MYO16: variants seen among roughly 807,000 people sequenced by gnomAD.
MYO16 encodes the protein myosin XVI.
Under a neutral mutation model 205.3 loss-of-function variants are expected in MYO16, and 94 were observed. The observed-to-expected ratio is 0.46, with a 90% confidence interval of 0.39 to 0.54. The LOEUF is 0.54. Among genes scored for constraint, MYO16 ranks in the 20% least tolerant of loss-of-function variants. The pLI, the probability that MYO16 is intolerant of heterozygous loss-of-function variation, is 0.00. For missense variants in MYO16, 2,315 were observed against 2,387.5 expected (o/e 0.97, Z 0.63); for synonymous variants, 988 against 954.0 (o/e 1.04, Z -0.66).
chr13:108,806,719 C>T lies in MYO16; in HGVS notation c.782C>T (p.Ser261Phe), dbSNP rs896258459. The change falls in exon 7 of 35, where the codon TCT becomes TTT. Residue 261 changes from serine to phenylalanine, a missense_variant. Coordinates refer to ENST00000457511, the MANE Select transcript of MYO16 (RefSeq NM_001198950.3). ...ACASGYKEVV[S>F]LILEHGGDLN... ...GCGAGTGGCTACAAGGAGGTGGTGT[C>T]TCTTATCCTGGAACATGGTGGAGAC... 6.2e-7 allele frequency: 1 copy of T among 1,613,186 alleles called. No homozygotes were observed. The highest frequency in any genetic ancestry group is 1.3e-5 in the African/African-American group (1 of 74,888).
intron 11 of MYO16, among the ~76,000 whole-genome samples, chr13:108,857,605 C>G (rs1296423586): frequency 1.3e-5 from 2 of 152,204 alleles, no homozygotes; most frequent in Admixed American, 6.5e-5. Context: ...TTATGCACTT[C>G]TCCTTTAATC....
At chr13:109,025,269 G>A (rs761208346) in intron 23 of MYO16, among the ~76,000 whole-genome samples, 5 of 152,158 alleles carry the variant, frequency 3.3e-5, no homozygotes, top group Non-Finnish European at 4.4e-5. Context: ...TATCCTGAAA[G>A]CTCTGACCAG....
intron 28 of MYO16, among the ~76,000 whole-genome samples, chr13:109,104,387 G>A (rs1261471705): frequency 2.6e-5 from 4 of 152,112 alleles, no homozygotes; most frequent in Middle Eastern, 3.2e-3. Context: ...GGAAAAACAA[G>A]CAGACTACTT....
intron 22 of MYO16, among the ~76,000 whole-genome samples, chr13:109,014,650 T>C (rs1885740444): frequency 6.6e-6 from 1 of 152,224 alleles, no homozygotes; most frequent in South Asian, 2.1e-4. Flanking sequence ...CATTGAGCAG[T>C]GGTTTGTAGT....
chr13:108,940,437 T>C (rs1256786927), intron 16 of MYO16, among the ~76,000 whole-genome samples: 1 of 152,206 alleles, frequency 6.6e-6, no homozygotes, highest in Non-Finnish European at 1.5e-5. Flanking sequence ...ACTCTCTATG[T>C]GCATTCCAAT....
chr13:108,575,854 G>T, the MYO16 span, among the ~76,000 whole-genome samples: 7 of 152,104 alleles, frequency 4.6e-5, no homozygotes, highest in Non-Finnish European at 7.3e-5. Context: ...TGCAGGTGTT[G>T]CAGAAAGATT....
At chr13:109,011,546 G>A (rs1464888376) in intron 22 of MYO16, among the ~76,000 whole-genome samples, 2 of 132,876 alleles carry the variant, frequency 1.5e-5, no homozygotes, top group Non-Finnish European at 3.1e-5. Context: ...ACAGAGTCTC[G>A]CTCTGTCACC....
chr13:108,845,891 A>G (rs974657067), intron 10 of MYO16, among the ~76,000 whole-genome samples: 1 of 150,454 alleles, frequency 6.6e-6, no homozygotes, highest in African/African-American at 2.4e-5. Flanking sequence ...TTTTTTTTTT[A>G]AGAGATAGGG....
At chr13:109,193,203 T>TA (rs1462145463) in intron 34 of MYO16, among the ~76,000 whole-genome samples, 1 of 152,190 alleles carries the variant, frequency 6.6e-6, no homozygotes, top group Non-Finnish European at 1.5e-5. Context: ...AAAAATTCTT[T>TA]AAAAATAAAT....
the MYO16 span, among the ~76,000 whole-genome samples, chr13:108,574,404 G>A: frequency 1.3e-5 from 2 of 152,050 alleles, no homozygotes; most frequent in Admixed American, 6.6e-5. Context: ...GGTATCAAGA[G>A]TCTATTGGTA....
the MYO16 span, among the ~76,000 whole-genome samples, chr13:108,548,504 A>G: frequency 6.7e-6 from 1 of 150,322 alleles, no homozygotes; most frequent in Non-Finnish European, 1.5e-5. Flanking sequence ...TTGTGTTGGT[A>G]ATAAAGGTGA....
At chr13:109,171,841 G>A (rs1172548551) in intron 33 of MYO16, among the ~76,000 whole-genome samples, 2 of 152,146 alleles carry the variant, frequency 1.3e-5, no homozygotes, top group Non-Finnish European at 2.9e-5. Context: ...TGCAATTAAA[G>A]AATACAGACA....
At chr13:109,122,912 T>C (rs1441241056) in intron 29 of MYO16, among the ~76,000 whole-genome samples, 2 of 152,166 alleles carry the variant, frequency 1.3e-5, no homozygotes, top group East Asian at 1.9e-4. Context: ...CCATTTCCAG[T>C]TGTTGTTTTA....
chr13:109,156,318 T>C (rs1174645204), intron 32 of MYO16, among the ~76,000 whole-genome samples: 1 of 152,228 alleles, frequency 6.6e-6, no homozygotes, highest in East Asian at 1.9e-4. Context: ...GGCACCTCTC[T>C]CTGCATTTGT....
chr13:108,982,020 G>T (rs939661830), intron 20 of MYO16, among the ~76,000 whole-genome samples: 1 of 152,128 alleles, frequency 6.6e-6, no homozygotes, highest in Non-Finnish European at 1.5e-5. Context: ...TTTAGTACTT[G>T]TACTAGATTG....
chr13:108,841,796 T>G (rs528273803), intron 9 of MYO16, among the ~76,000 whole-genome samples: 1 of 152,198 alleles, frequency 6.6e-6, no homozygotes, highest in Admixed American at 6.5e-5. Flanking sequence ...GGAGCAAAGT[T>G]GAAAGCATCA....
chr13:108,916,443 G>A lies in MYO16; in HGVS notation c.1925+6293G>A, dbSNP rs112937571. On this transcript the variant is annotated intron_variant, in intron 16 of 34. Coordinates refer to ENST00000457511, the MANE Select transcript of MYO16 (RefSeq NM_001198950.3). ...ATGGCAATACTGTCTTTATCTCCTC[G>A]TGTCACTGAGATTTTAAGGCAAATG... Among the ~76,000 whole-genome samples, 284 of 152,236 alleles carry A rather than the reference G, an allele frequency of 1.9e-3. 1 individual carries two copies. Among genetic ancestry groups the A allele is most frequent in the African/African-American group, 6.5e-3 (271 of 41,530 alleles).
intron 2 of MYO16, among the ~76,000 whole-genome samples, chr13:108,667,278 C>G (rs955178400): frequency 1.4e-5 from 2 of 137,956 alleles, no homozygotes; most frequent in Admixed American, 1.4e-4. Context: ...TTTGTATGGG[C>G]TTTTTCTAGT....
At chr13:109,093,714 A>G (rs576780605) in intron 27 of MYO16, among the ~76,000 whole-genome samples, 2 of 152,194 alleles carry the variant, frequency 1.3e-5, no homozygotes, top group East Asian at 3.9e-4. Context: ...GCCTACCCAA[A>G]TATGTAGAGA....
Sources: gnomAD v4.1 joint callset for allele counts (sites outside exome capture counted in the v4.1 genomes callset) on GRCh38, gnomAD v4.1.1 for gene constraint, MANE v1.5 for transcripts, NCBI Gene and HGNC (gene_info 2026-07-23, HGNC 2026-07-21) for gene names.